Variants in GNAT2 observed in about 807,000 individuals in gnomAD.
The protein encoded by GNAT2 is guanine nucleotide-binding protein G(t) subunit alpha-2.
In GNAT2, 32 loss-of-function variants were observed where a neutral mutation model predicts 40.9. The ratio of observed to expected loss-of-function variants is 0.78; its 90% confidence interval spans 0.59 to 1.05. GNAT2 has a LOEUF of 1.05. GNAT2 is among the 50% of genes least tolerant of loss of function. The pLI is 0.00. For synonymous variants in GNAT2, 141 were observed against 157.2 expected (o/e 0.90, Z 0.77); for missense variants, 355 against 431.5 (o/e 0.82, Z 1.57).
chr1:109,606,367 G>A lies in GNAT2; in HGVS notation c.531C>T (p.Ser177=). The change falls in exon 6 of 9, where the codon TCC becomes TCT. Residue 177 remains serine, a synonymous_variant. Transcript: ENST00000679935. The stretch of plus-strand genomic sequence containing the variant: ...CAATGATGCCCGTGGTTTTGACTCT[G>A]GATCGGAGCACATCTTGCTCACTAG... ...YLPSEQDVLR[S]RVKTTGIIET... 6.2e-7 allele frequency: 1 copy of A among 1,611,604 alleles called. No homozygotes were observed. Among genetic ancestry groups the A allele is most frequent in the South Asian group, 1.1e-5 (1 of 91,030 alleles).
chr1:109,610,086 C>A lies in GNAT2; in HGVS notation c.257G>T (p.Arg86Leu). ...NVLQSILAII[R>L]AMTTLGIDYA... ...ATCGATGCCCAGTGTGGTCATGGCC[C>A]GGATGATAGCCAGGATGGACTGCAG... The change falls in exon 4 of 9, where the codon CGG becomes CTG. Residue 86 changes from arginine (R) to leucine (L), a missense_variant. By Grantham distance (102) the Arg-to-Leu change is moderately radical (BLOSUM62 -2). Transcript: ENST00000679935. The A allele has an allele frequency of 6.2e-7, 1 of 1,613,920 alleles. No individual in the cohort carries two copies. Among genetic ancestry groups the A allele is most frequent in the South Asian group, 1.1e-5 (1 of 91,070 alleles).
Position 109,603,505 on chromosome 1 carries a change from C to T in GNAT2, c.914G>A (p.Ser305Asn), listed in dbSNP as rs777330856. The change falls in exon 9 of 9, where the codon AGC (serine) becomes AAC (asparagine). Residue 305 changes from serine to asparagine, a missense_variant. Coordinates refer to ENST00000679935, the MANE Select transcript of GNAT2 (RefSeq NM_001377295.2). The stretch of plus-strand genomic sequence containing the variant: ...TCGCATATTGAGGTCAAGGAACTGG[C>T]TCTTTATGTAATTCCCCGCATCATC... ...SYDDAGNYIK[S>N]QFLDLNMRKD... The T allele has an allele frequency of 2.5e-5, 41 of 1,611,476 alleles. No homozygotes were observed. Among genetic ancestry groups the T allele is most frequent in the Non-Finnish European group, 3.1e-5 (37 of 1,177,740 alleles).
intron 4 of GNAT2, chr1:109,609,659 C>G (rs946155429): frequency 6.1e-6 from 2 of 326,090 alleles, no homozygotes; most frequent in African/African-American, 4.3e-5. Flanking sequence ...ATGTTGCTTA[C>G]TTCTCCAGGA....
At chr1:109,611,015 C>CTTT (rs142250099) in intron 2 of GNAT2, 3 of 170,132 alleles carry the variant, frequency 1.8e-5, no homozygotes, top group African/African-American at 5.0e-5. Context: ...TGCTGGTTCC[C>CTTT]TTTTTTTTTT....
At chr1:109,616,214 G>T (rs1649948181) in intron 1 of GNAT2, 1 of 152,164 alleles carries the variant, frequency 6.6e-6, no homozygotes, top group African/African-American at 2.4e-5. Context: ...TTTACGAACA[G>T]TTTCCTGATG....
chr1:109,610,769 A>G, intron 2 of GNAT2: 2 of 558,708 alleles, frequency 3.6e-6, no homozygotes, highest in Non-Finnish European at 6.4e-6. Context: ...CCTGGCCTCT[A>G]CCCACTAGAG....
chr1:109,618,941 CCAGA>C (rs1650040935), intron 1 of GNAT2, among the ~76,000 whole-genome samples: 1 of 152,194 alleles, frequency 6.6e-6, no homozygotes, highest in Admixed American at 6.5e-5. Flanking sequence ...CTGGGAGGAG[CCAGA>C]CAAACAGCAT....
chr1:109,610,540 C>T (rs1649764946), intron 2 of GNAT2, 33 bp from the exon 3 acceptor site: 1 of 1,599,776 alleles, frequency 6.3e-7, no homozygotes, highest in Non-Finnish European at 8.6e-7. Flanking sequence ...TTTCGATTTC[C>T]ACCAGTTCTC....
At chr1:109,606,253 C>G in intron 6 of GNAT2, 55 bp downstream of exon 6, 1 of 1,601,150 alleles carries the variant, frequency 6.2e-7, no homozygotes, top group Non-Finnish European at 8.6e-7. Flanking sequence ...TGCCTGTGCC[C>G]CTTTTCAGGA....
At chr1:109,617,766 T>A (rs904886888) in intron 1 of GNAT2, 2 of 152,206 alleles carry the variant, frequency 1.3e-5, no homozygotes, top group African/African-American at 4.8e-5. Context: ...GGTAGGTAGG[T>A]CTGCATTAAG....
chr1:109,609,029 G>T (rs1223190742), intron 4 of GNAT2: 1 of 549,712 alleles, frequency 1.8e-6, no homozygotes, highest in Non-Finnish European at 3.3e-6. Flanking sequence ...GGGGTCCCAG[G>T]TATTTCCTCT....
intron 5 of GNAT2, 69 bp from the exon 6 acceptor site, chr1:109,606,505 T>C (rs1336960228): frequency 3.8e-6 from 5 of 1,303,402 alleles, no homozygotes; most frequent in Non-Finnish European, 2.2e-6. Context: ...AAAAGGTATC[T>C]TACCCAAAGT....
chr1:109,612,519 C>T, intron 2 of GNAT2: 1 of 537,840 alleles, frequency 1.9e-6, no homozygotes, highest in Non-Finnish European at 3.4e-6. Context: ...ATTCCTCGCT[C>T]AAGAGTAGAA....
chr1:109,612,756 G>T lies in GNAT2; in HGVS notation c.115C>A (p.Leu39Met), dbSNP rs1310893817. ...KEAKTVKLLL[L>M]GAGESGKSTI... Reference sequence around the variant, plus strand: ...CTCATCTTCCCATCTCACTCACCCAGCAGTAGCAGCTTGACAGTCTTGGCT... The same window carrying T: ...CTCATCTTCCCATCTCACTCACCCATCAGTAGCAGCTTGACAGTCTTGGCT... The change falls in exon 2 of 9, where the codon CTG (leucine) becomes ATG (methionine). Residue 39 changes from leucine (L) to methionine (M), a missense_variant. By Grantham distance (15) the Leu-to-Met change is conservative. Coordinates refer to ENST00000679935, the MANE Select transcript of GNAT2 (RefSeq NM_001377295.2). 8.3e-6 allele frequency: 13 copies of T among 1,565,530 alleles called. No homozygotes were observed. Among genetic ancestry groups the T allele is most frequent in the Non-Finnish European group, 1.1e-5 (12 of 1,135,706 alleles).
Position 109,603,316 on chromosome 1 carries a change from GC to G in GNAT2, c.*37del, listed in dbSNP as rs753947940. The stretch of plus-strand genomic sequence containing the variant: ...CTGTTTTTAATTACCCAGATTCCAA[GC>G]CTGTTTATAGAACTTATACCTGAGG... On this transcript the variant is annotated 3_prime_UTR_variant, in exon 9 of 9. Coordinates refer to ENST00000679935, the MANE Select transcript of GNAT2 (RefSeq NM_001377295.2). 3.5e-6 allele frequency: 4 copies of G among 1,149,704 alleles called. No individual in the cohort carries two copies. Among genetic ancestry groups the G allele is most frequent in the Non-Finnish European group, 5.3e-6 (4 of 757,522 alleles). The allele number at this position is 1,149,704 out of a possible 1,614,324, so 71.2% of individuals were successfully genotyped here.
chr1:109,605,111 C>T (rs1649552922), intron 7 of GNAT2: 1 of 152,296 alleles, frequency 6.6e-6, no homozygotes, highest in Non-Finnish European at 1.5e-5. Flanking sequence ...ATAGGAGTAT[C>T]CCTTTCATCA....
intron 1 of GNAT2, 42 bp from the exon 2 acceptor site, chr1:109,612,965 G>C: frequency 5.8e-6 from 5 of 866,120 alleles, no homozygotes; most frequent in Non-Finnish European, 9.8e-6. Flanking sequence ...TTGGGATTGA[G>C]TATCCCAACT....
At position 109,610,473 on chromosome 1, in the gene GNAT2, T is replaced by C. The variant is rs2101128550; in HGVS notation, c.153A>G (p.Lys51=). ...GCTTTGTTTCTACTCACTTCATCTG[T>C]TTGACGATGGTGCTCTTTCCTGACT... ...AGESGKSTIV[K]QMKIIHQDGY... is the part of the protein sequence containing the mutation. The change falls in exon 3 of 9, where the codon AAA becomes AAG. Residue 51 remains lysine (K), a synonymous_variant. Transcript: ENST00000679935. 1 of 1,613,872 alleles carries C rather than the reference T, an allele frequency of 6.2e-7. No homozygotes were observed.
At chr1:109,606,830 T>C (rs983844877) in intron 5 of GNAT2, 87 of 238,000 alleles carry the variant, frequency 3.7e-4, no homozygotes, top group Non-Finnish European at 7.1e-4. Flanking sequence ...GTTTATATCC[T>C]GAATCAAACT....
Sources: allele counts gnomAD v4.1 joint callset (sites outside exome capture counted in the v4.1 genomes callset), GRCh38; gene constraint gnomAD v4.1.1; transcripts MANE v1.5; gene names NCBI Gene and HGNC (gene_info 2026-07-23, HGNC 2026-07-21).